NCKAP5: variants seen among roughly 807,000 people sequenced by gnomAD.
NCKAP5 encodes the protein nck-associated protein 5.
NCKAP5 carries 92 observed loss-of-function variants against 167.0 expected under a neutral mutation model. The ratio of observed to expected loss-of-function variants is 0.55; its 90% CI spans 0.47 to 0.66. The LOEUF (loss-of-function observed/expected upper bound fraction) is 0.66. Among genes scored for constraint, NCKAP5 ranks in the 30% least tolerant of loss-of-function variants. The probability of loss-of-function intolerance (pLI) is 0.00; values close to 1 mark genes in which losing one functional copy is unlikely to be tolerated. For missense variants in NCKAP5, 2,378 were observed against 2,315.0 expected, an observed-to-expected ratio of 1.03 and a Z score of -0.56; for synonymous variants, 891 against 877.4, an observed-to-expected ratio of 1.02 and a Z score of -0.27.
intron 4 of NCKAP5, among the ~76,000 whole-genome samples, chr2:133,248,178 C>T (rs976814805): frequency 2.6e-5 from 4 of 152,168 alleles, no homozygotes; most frequent in African/African-American, 9.7e-5. Context: ...CATTACAGCC[C>T]CTGGGAGAAG....
intron 3 of NCKAP5, among the ~76,000 whole-genome samples, chr2:133,460,799 T>A (rs1692155178): frequency 6.6e-6 from 1 of 152,216 alleles, no homozygotes; most frequent in Admixed American, 6.5e-5. Flanking sequence ...CTATATTTTA[T>A]TTTTGTATTT....
At chr2:133,130,819 T>C (rs1009156888) in intron 5 of NCKAP5, among the ~76,000 whole-genome samples, 2 of 149,258 alleles carry the variant, frequency 1.3e-5, no homozygotes, top group Non-Finnish European at 2.9e-5. Context: ...TCAGCTACAC[T>C]AATGTCTTTG....
At chr2:132,978,259 C>T (rs1034580860) in intron 7 of NCKAP5, among the ~76,000 whole-genome samples, 11 of 152,148 alleles carry the variant, frequency 7.2e-5, no homozygotes, top group East Asian at 1.9e-4. Context: ...ATGGCTCTCC[C>T]GGAAAAGCTC....
intron 6 of NCKAP5, among the ~76,000 whole-genome samples, chr2:133,055,295 C>A (rs7595643): frequency 0.41 from 61,318 of 151,040 alleles, 13,985 homozygotes; most frequent in East Asian, 0.94. Flanking sequence ...TACACCGAGC[C>A]AAGAATTAGG....
intron 19 of NCKAP5, among the ~76,000 whole-genome samples, chr2:132,722,325 C>T (rs966090036): frequency 6.6e-6 from 1 of 152,212 alleles, no homozygotes; most frequent in African/African-American, 2.4e-5. Context: ...ACCCCACTGG[C>T]AGAGGAAGGG....
At chr2:132,845,736 A>AT (rs963507826) in intron 11 of NCKAP5, among the ~76,000 whole-genome samples, 3 of 152,062 alleles carry the variant, frequency 2.0e-5, no homozygotes, top group Non-Finnish European at 4.4e-5. Flanking sequence ...GTAGTTCTTT[A>AT]TTTTCAACGC....
chr2:133,021,989 C>T (rs564153954), intron 6 of NCKAP5, among the ~76,000 whole-genome samples: 1 of 152,216 alleles, frequency 6.6e-6, no homozygotes, highest in East Asian at 1.9e-4. Context: ...TGAGATGATC[C>T]CAAGGGATCA....
At chr2:133,039,039 CA>C (rs778442709) in intron 6 of NCKAP5, among the ~76,000 whole-genome samples, 2 of 152,110 alleles carry the variant, frequency 1.3e-5, no homozygotes, top group Non-Finnish European at 2.9e-5. Context: ...ATGGGCAAGA[CA>C]AGGATGTGGC....
intron 3 of NCKAP5, among the ~76,000 whole-genome samples, chr2:133,411,482 G>A (rs368193056): frequency 2.0e-5 from 3 of 152,266 alleles, no homozygotes; most frequent in South Asian, 2.1e-4. Flanking sequence ...AGGAATCACC[G>A]ATGAGCGTAC....
intron 3 of NCKAP5, among the ~76,000 whole-genome samples, chr2:133,510,200 C>T (rs1683364890): frequency 6.6e-6 from 1 of 152,120 alleles, no homozygotes; most frequent in South Asian, 2.1e-4. Flanking sequence ...TTTGATAGGA[C>T]CATCACTCAA....
the NCKAP5 span, among the ~76,000 whole-genome samples, chr2:133,617,331 G>A: frequency 2.0e-5 from 3 of 151,892 alleles, no homozygotes; most frequent in African/African-American, 7.3e-5. Flanking sequence ...GGAAATAAAA[G>A]GCATTCAATT....
chr2:132,693,619 C>CTTTTTTT (rs1185832600), intron 19 of NCKAP5, among the ~76,000 whole-genome samples: 15 of 84,482 alleles, frequency 1.8e-4, no homozygotes, highest in Non-Finnish European at 2.6e-4. Context: ...CCCACCCCGC[C>CTTTTTTT]TTTTTTTTTT....
rs568038855 is a variant in NCKAP5 at position 133,040,477 on chromosome 2, C to A, written c.342-46238G>T. On this transcript the variant is annotated intron_variant, in intron 6 of 19. Transcript: ENST00000409261. ...TATCTGACCTTGGGCATGTCCTCAGCACACTGCTATAAACAAGGTTGGTAT... is the reference window on the plus strand; with the variant it reads ...TATCTGACCTTGGGCATGTCCTCAGAACACTGCTATAAACAAGGTTGGTAT... Among the ~76,000 whole-genome samples the A allele has an allele frequency of 1.9e-3, 287 of 152,228 alleles. 2 individuals carry two copies. Among genetic ancestry groups the A allele is most frequent in the African/African-American group, 5.9e-3 (245 of 41,558 alleles).
chr2:133,277,932 T>C (rs2089794812), intron 4 of NCKAP5, among the ~76,000 whole-genome samples: 1 of 152,224 alleles, frequency 6.6e-6, no homozygotes, highest in South Asian at 2.1e-4. Flanking sequence ...CGTTGGCCAT[T>C]TGACCAAACA....
chr2:132,978,713 C>T (rs1559013528), intron 7 of NCKAP5, among the ~76,000 whole-genome samples: 1 of 152,150 alleles, frequency 6.6e-6, no homozygotes, highest in Non-Finnish European at 1.5e-5. Flanking sequence ...AGTCGGGAAA[C>T]ATGGCCTGTG....
At chr2:133,608,685 A>C in the NCKAP5 span, among the ~76,000 whole-genome samples, 14 of 152,318 alleles carry the variant, frequency 9.2e-5, no homozygotes, top group African/African-American at 3.1e-4. Context: ...TCAATAATAG[A>C]GGCGAGTGTA....
intron 6 of NCKAP5, among the ~76,000 whole-genome samples, chr2:133,049,544 C>CA (rs59494014): frequency 0.016 from 1,241 of 77,802 alleles, 25 homozygotes; most frequent in African/African-American, 0.037. Flanking sequence ...GACTCTGTCT[C>CA]AAAAAAAAAA....
chr2:133,569,510 G>C (rs966858852), upstream of NCKAP5, among the ~76,000 whole-genome samples: 4 of 152,202 alleles, frequency 2.6e-5, no homozygotes, highest in African/African-American at 9.7e-5. Flanking sequence ...TTTGAGGGCT[G>C]CCTTGTAAGT....
At chr2:133,023,702 C>T (rs1268139560) in intron 6 of NCKAP5, among the ~76,000 whole-genome samples, 1 of 152,092 alleles carries the variant, frequency 6.6e-6, no homozygotes, top group South Asian at 2.1e-4. Flanking sequence ...ATGCAATATT[C>T]GATTTTCTGT....
Sources: gnomAD v4.1 joint callset for allele counts (sites outside exome capture counted in the v4.1 genomes callset) on GRCh38, gnomAD v4.1.1 for gene constraint, MANE v1.5 for transcripts, NCBI Gene and HGNC (gene_info 2026-07-23, HGNC 2026-07-21) for gene names.